The following FGD5 variants were observed in gnomAD, a reference collection of about 807,000 sequenced individuals.
FGD5 encodes FYVE, RhoGEF and PH domain containing 5, also known as FYVE, RhoGEF and PH domain-containing protein 5.
In FGD5, 28 loss-of-function variants were observed where a neutral mutation model predicts 133.4. The observed-to-expected ratio is 0.21, with a 90% CI of 0.16 to 0.29. The LOEUF is 0.29. Ranked by LOEUF, FGD5 falls within the 10% of genes least tolerant of loss-of-function variation. FGD5 has a pLI of 1.00. For missense variants in FGD5, 1,858 were observed against 1,895.2 expected (o/e 0.98, Z 0.36); for synonymous variants, 810 against 776.5 (o/e 1.04, Z -0.72).
rs948711425 is a variant in FGD5 at position 14,933,138 on chromosome 3, G to A, written c.4360G>A (p.Glu1454Lys). ...EDTNSAQRWIEAMEDASVL is the reference protein window; with the variant it reads ...EDTNSAQRWIKAMEDASVL ...CCCTGTTTTGTTTTATAGGTGGATCGAGGCCATGGAAGATGCGAGTGTGTT... is the reference window on the plus strand; with the variant it reads ...CCCTGTTTTGTTTTATAGGTGGATCAAGGCCATGGAAGATGCGAGTGTGTT... Residue 1454 changes from glutamate to lysine, a missense_variant, in exon 20 of 20, where the codon GAG (glutamate) becomes AAG (lysine). Physicochemically the swap from Glu to Lys is moderately conservative, Grantham distance 56. Around this residue, in one of 3 missense-constraint regions of FGD5, gnomAD observed 1,824 missense variants for 1,848.9 expected, o/e 0.99. Transcript: ENST00000285046. 8.1e-6 allele frequency: 13 copies of A among 1,613,568 alleles called. 1 individual carries two copies. The highest frequency in any genetic ancestry group is 5.0e-5 in the Admixed American group (3 of 59,980).
chr3:14,910,725 A>T, intron 10 of FGD5, 136 bp from the exon 11 acceptor site: 2 of 664,214 alleles, frequency 3.0e-6, no homozygotes, highest in South Asian at 1.9e-5. Flanking sequence ...TTATGATTTA[A>T]GTTTCCACTC....
intron 1 of FGD5, among the ~76,000 whole-genome samples, chr3:14,844,245 T>TAC (rs2036996962): frequency 1.9e-5 from 1 of 52,264 alleles, no homozygotes; most frequent in African/African-American, 8.5e-5. Flanking sequence ...TATATATATA[T>TAC]ATATATATAT....
chr3:14,842,784 G>A (rs1216543173), intron 1 of FGD5, among the ~76,000 whole-genome samples: 1 of 152,184 alleles, frequency 6.6e-6, no homozygotes, highest in Non-Finnish European at 1.5e-5. Context: ...AGGGAGCAGG[G>A]ACTTGTCTCT....
chr3:14,915,543 C>T (rs1013792866), intron 11 of FGD5, among the ~76,000 whole-genome samples: 1 of 152,000 alleles, frequency 6.6e-6, no homozygotes, highest in African/African-American at 2.4e-5. Context: ...CACTTTGGTT[C>T]ATGTTGGCAC....
chr3:14,835,211 C>G (rs2036793691), intron 1 of FGD5, among the ~76,000 whole-genome samples: 1 of 152,190 alleles, frequency 6.6e-6, no homozygotes, highest in Non-Finnish European at 1.5e-5. Context: ...GAAAGCTGGA[C>G]TACAGGCAGG....
At chr3:14,881,295 A>AGCCTGAACAT (rs2037820521) in intron 4 of FGD5, among the ~76,000 whole-genome samples, 1 of 151,876 alleles carries the variant, frequency 6.6e-6, no homozygotes. Flanking sequence ...AGACTTGGGG[A>AGCCTGAACAT]CAGGCACTGC....
intron 11 of FGD5, among the ~76,000 whole-genome samples, 169 bp downstream of exon 11, chr3:14,911,098 C>T (rs1347233923): frequency 6.6e-6 from 1 of 152,156 alleles, no homozygotes; most frequent in East Asian, 1.9e-4. Context: ...TTGGACACCA[C>T]GCCCACCACT....
intron 11 of FGD5, among the ~76,000 whole-genome samples, chr3:14,913,871 T>C (rs934893870): frequency 2.6e-5 from 4 of 152,158 alleles, no homozygotes; most frequent in Admixed American, 2.6e-4. Flanking sequence ...GCACCTTCTA[T>C]GGAAGCCTAG....
chr3:14,852,603 A>T (rs541450737), intron 1 of FGD5, among the ~76,000 whole-genome samples: 1 of 152,368 alleles, frequency 6.6e-6, no homozygotes, highest in East Asian at 1.9e-4. Flanking sequence ...TAATGCTATT[A>T]TAAAAAGAAA....
chr3:14,892,148 C>T (rs189484984), intron 4 of FGD5, among the ~76,000 whole-genome samples: 23 of 152,148 alleles, frequency 1.5e-4, no homozygotes, highest in Admixed American at 1.4e-3. Context: ...TGTCCATCCT[C>T]TCTCTCAGGC....
At position 14,917,239 on chromosome 3, in the gene FGD5, C is replaced by T; in HGVS notation, c.3406-10C>T. ...GCCAGGGTCCTCTCATAGGGTTTCC[C>T]TCTCTCCAGATGAACGATGTGCTCC... On this transcript the variant is annotated splice_polypyrimidine_tract_variant and intron_variant, in intron 11 of 19. Coordinates refer to ENST00000285046, the MANE Select transcript of FGD5 (RefSeq NM_152536.4). The surrounding 1 kb of genome is among the most constrained non-coding windows in gnomAD (Gnocchi z 4.1). 10 of 1,612,218 alleles carry T rather than the reference C, an allele frequency of 6.2e-6. No homozygotes were observed. The highest frequency in any genetic ancestry group is 7.6e-6 in the Non-Finnish European group (9 of 1,179,184).
chr3:14,866,121 C>A (rs533057716), intron 2 of FGD5, among the ~76,000 whole-genome samples: 1 of 152,140 alleles, frequency 6.6e-6, no homozygotes, highest in African/African-American at 2.4e-5. Flanking sequence ...TACCCCACCA[C>A]GGTCACTGAG....
At chr3:14,894,252 C>T (rs565976141) in intron 4 of FGD5, among the ~76,000 whole-genome samples, 1 of 152,284 alleles carries the variant, frequency 6.6e-6, no homozygotes, top group South Asian at 2.1e-4. Flanking sequence ...TAATGACTTT[C>T]AGTTCCATCC....
chr3:14,882,711 A>G (rs1415373998), intron 4 of FGD5, among the ~76,000 whole-genome samples: 1 of 151,936 alleles, frequency 6.6e-6, no homozygotes, highest in African/African-American at 2.4e-5. Context: ...AAAAAAAAAA[A>G]AAAGTCACCA....
Position 14,907,621 on chromosome 3 carries a change from A to T in FGD5, c.3265-19A>T. ...TAGGGGCCCTGACCATCTCTCCCTC[A>T]CCCCATTCCCACCCACAGGAAAACC... On this transcript the variant is annotated intron_variant, in intron 9 of 19. Transcript: ENST00000285046. 6.2e-7 allele frequency: 1 copy of T among 1,612,034 alleles called. No individual in the cohort carries two copies. The highest frequency in any genetic ancestry group is 1.1e-5 in the South Asian group (1 of 90,866).
At chr3:14,926,948 C>A (rs762720252) in intron 18 of FGD5, among the ~76,000 whole-genome samples, 1 of 152,300 alleles carries the variant, frequency 6.6e-6, no homozygotes, top group Non-Finnish European at 1.5e-5. Flanking sequence ...TGGCTCTTCT[C>A]CCCTGGCCAC....
intron 9 of FGD5, among the ~76,000 whole-genome samples, chr3:14,904,237 CG>C (rs1305378068): frequency 6.6e-6 from 1 of 152,104 alleles, no homozygotes; most frequent in East Asian, 1.9e-4. Context: ...TTCTTAGGAG[CG>C]GGGGGTTATG....
At chr3:14,814,821 T>C (rs2036345074), upstream of FGD5, among the ~76,000 whole-genome samples, 1 of 152,192 alleles carries the variant, frequency 6.6e-6, no homozygotes, top group Non-Finnish European at 1.5e-5. Flanking sequence ...CTGCAGTCTT[T>C]CCTGTTCCAG....
intron 1 of FGD5, 92 bp from the exon 2 acceptor site, chr3:14,864,036 T>G: frequency 6.5e-7 from 1 of 1,535,712 alleles, no homozygotes; most frequent in South Asian, 1.2e-5. Flanking sequence ...ACTTGTTTTC[T>G]GTCCCCATGG....
Sources: allele counts gnomAD v4.1 joint callset (sites outside exome capture counted in the v4.1 genomes callset), GRCh38; gene constraint gnomAD v4.1.1; regional missense constraint gnomAD v4.1.1; non-coding constraint Gnocchi (gnomAD v3.1); transcripts MANE v1.5; gene names NCBI Gene and HGNC (gene_info 2026-07-23, HGNC 2026-07-21).